HCRTR2: variants seen among roughly 807,000 people sequenced by gnomAD.
The protein encoded by HCRTR2 is hypocretin receptor 2, also known as orexin receptor type 2.
A neutral mutation model predicts 49.0 loss-of-function variants in HCRTR2; 22 were observed. The observed-to-expected ratio is 0.45, with a 90% confidence interval of 0.32 to 0.64. HCRTR2 has a LOEUF of 0.64. Ranked by LOEUF, HCRTR2 falls within the 30% of genes least tolerant of loss-of-function variation. The pLI is 0.04. For missense variants in HCRTR2, 491 were observed against 559.4 expected (o/e 0.88, Z 1.23); for synonymous variants, 236 against 205.3 (o/e 1.15, Z -1.28).
At chr6:55,183,150 T>C (rs1020831222) in intron 1 of HCRTR2, among the ~76,000 whole-genome samples, 3 of 152,320 alleles carry the variant, frequency 2.0e-5, no homozygotes, top group Admixed American at 1.3e-4. Flanking sequence ...CATAAACACA[T>C]ACTTTTAAAA....
intron 1 of HCRTR2, among the ~76,000 whole-genome samples, chr6:55,178,342 A>G (rs759702583): frequency 7.9e-5 from 12 of 152,142 alleles, no homozygotes; most frequent in Non-Finnish European, 1.6e-4. Flanking sequence ...GGAAAACATC[A>G]GTCTAGCTAT....
chr6:55,249,995 C>T (rs1766518125), intron 2 of HCRTR2, among the ~76,000 whole-genome samples: 3 of 152,024 alleles, frequency 2.0e-5, no homozygotes, highest in African/African-American at 4.8e-5. Context: ...TATTACTAGA[C>T]ATTATGCCGA....
At chr6:55,159,798 A>G (rs1272249283) in intron 1 of HCRTR2, among the ~76,000 whole-genome samples, 1 of 152,242 alleles carries the variant, frequency 6.6e-6, no homozygotes, top group Non-Finnish European at 1.5e-5. Context: ...AAAAAGAATA[A>G]AAAGGAATGA....
At chr6:55,222,412 C>T (rs183157507) in intron 1 of HCRTR2, among the ~76,000 whole-genome samples, 310 of 151,984 alleles carry the variant, frequency 2.0e-3, no homozygotes, top group African/African-American at 6.9e-3. Flanking sequence ...TAAAACTATA[C>T]GATCCAGTAA....
intron 1 of HCRTR2, among the ~76,000 whole-genome samples, chr6:55,107,826 A>G (rs1763996151): frequency 6.6e-6 from 1 of 151,952 alleles, no homozygotes; most frequent in South Asian, 2.1e-4. Flanking sequence ...TGCTTATATC[A>G]TTTTCTGTTT....
At chr6:55,273,948 A>G (rs9367629) in intron 4 of HCRTR2, among the ~76,000 whole-genome samples, 28,958 of 151,626 alleles carry the variant, frequency 0.19, 3,214 homozygotes, top group East Asian at 0.28. Context: ...TAAATCTTGA[A>G]ATGAGTTTTT....
intron 4 of HCRTR2, among the ~76,000 whole-genome samples, chr6:55,266,471 T>G (rs995235958): frequency 6.6e-6 from 1 of 152,140 alleles, no homozygotes; most frequent in Non-Finnish European, 1.5e-5. Flanking sequence ...TAGAAATGGA[T>G]TAGAATCTGA....
intron 1 of HCRTR2, among the ~76,000 whole-genome samples, chr6:55,116,048 C>G (rs536158536): frequency 6.6e-6 from 1 of 151,578 alleles, no homozygotes; most frequent in Admixed American, 6.6e-5. Context: ...TGTCTCAAGA[C>G]ATTTCCATTT....
At chr6:55,132,656 C>T (rs1764374637) in intron 1 of HCRTR2, among the ~76,000 whole-genome samples, 1 of 151,530 alleles carries the variant, frequency 6.6e-6, no homozygotes, top group South Asian at 2.1e-4. Context: ...AGCTCTTAAG[C>T]TTAAGGGAAA....
chr6:55,239,482 T>C (rs1417517565), intron 1 of HCRTR2, among the ~76,000 whole-genome samples: 2 of 152,236 alleles, frequency 1.3e-5, no homozygotes, highest in African/African-American at 2.4e-5. Flanking sequence ...CATTCCTCTA[T>C]GCATTTTCTC....
intron 1 of HCRTR2, among the ~76,000 whole-genome samples, chr6:55,153,146 C>G (rs955964753): frequency 6.6e-6 from 1 of 151,986 alleles, no homozygotes; most frequent in Non-Finnish European, 1.5e-5. Flanking sequence ...TTGTTACCCT[C>G]AGCAAAGAAC....
chr6:55,280,711 T>C (rs1303072211), intron 6 of HCRTR2, among the ~76,000 whole-genome samples: 1 of 152,178 alleles, frequency 6.6e-6, no homozygotes, highest in African/African-American at 2.4e-5. Context: ...TAACACAAAA[T>C]CTTACATGAC....
chr6:55,128,991 T>C (rs1174296081), intron 1 of HCRTR2, among the ~76,000 whole-genome samples: 4 of 152,192 alleles, frequency 2.6e-5, no homozygotes, highest in Non-Finnish European at 5.9e-5. Context: ...TTCTTGAACA[T>C]TTTTGGCTTC....
chr6:55,202,789 A>G (rs905641785), intron 1 of HCRTR2, among the ~76,000 whole-genome samples: 2 of 152,112 alleles, frequency 1.3e-5, no homozygotes, highest in African/African-American at 2.4e-5. Context: ...TAAACATTCA[A>G]TCTATAGCAA....
chr6:55,188,564 A>G (rs1220095225), intron 1 of HCRTR2, among the ~76,000 whole-genome samples: 1 of 152,206 alleles, frequency 6.6e-6, no homozygotes, highest in Non-Finnish European at 1.5e-5. Context: ...TCCTGAACCA[A>G]CGCACTGACT....
chr6:55,148,160 T>C (rs1366215409), intron 1 of HCRTR2, among the ~76,000 whole-genome samples: 1 of 152,152 alleles, frequency 6.6e-6, no homozygotes, highest in African/African-American at 2.4e-5. Context: ...TGAAAGAGTG[T>C]TTAAAAATGG....
chr6:55,259,882 A>T (rs1438562457), intron 3 of HCRTR2, among the ~76,000 whole-genome samples: 1 of 152,152 alleles, frequency 6.6e-6, no homozygotes, highest in Non-Finnish European at 1.5e-5. Flanking sequence ...TTCATCACAC[A>T]TAATTTAAAA....
chr6:55,143,563 G>T (rs983135751), intron 1 of HCRTR2, among the ~76,000 whole-genome samples: 1 of 152,178 alleles, frequency 6.6e-6, no homozygotes, highest in East Asian at 1.9e-4. Flanking sequence ...TTGTGTGACT[G>T]ATGTAACCTT....
chr6:55,128,327 C>G (rs1298964206), intron 1 of HCRTR2, among the ~76,000 whole-genome samples: 1 of 151,958 alleles, frequency 6.6e-6, no homozygotes, highest in Non-Finnish European at 1.5e-5. Flanking sequence ...TATTGTAGCC[C>G]TGTAGTATAG....
Sources: allele counts gnomAD v4.1 joint callset (sites outside exome capture counted in the v4.1 genomes callset), GRCh38; gene constraint gnomAD v4.1.1; transcripts MANE v1.5; gene names NCBI Gene and HGNC (gene_info 2026-07-23, HGNC 2026-07-21).